DTNA: variants seen among roughly 807,000 people sequenced by gnomAD.
The protein encoded by DTNA is dystrophin-related protein 3.
A neutral mutation model predicts 100.7 loss-of-function variants in DTNA; 43 were observed. That is an observed-to-expected ratio of 0.43 (90% confidence interval 0.33 to 0.55). DTNA has a LOEUF of 0.55. DTNA is among the 20% of genes least tolerant of loss of function. The probability of loss-of-function intolerance (pLI) is 0.04; values close to 1 mark genes in which losing one functional copy is unlikely to be tolerated. For missense variants in DTNA, 798 were observed against 953.9 expected (o/e 0.84, Z 2.15); for synonymous variants, 349 against 347.9 (o/e 1.00, Z -0.04).
intron 1 of DTNA, among the ~76,000 whole-genome samples, chr18:34,748,135 C>A (rs1259901762): frequency 6.6e-6 from 1 of 151,940 alleles, no homozygotes; most frequent in Non-Finnish European, 1.5e-5. Context: ...ATGTTCTTTG[C>A]CTACTTTTTG....
intron 1 of DTNA, among the ~76,000 whole-genome samples, chr18:34,529,080 T>G (rs923504049): frequency 2.0e-5 from 3 of 152,118 alleles, no homozygotes; most frequent in African/African-American, 7.2e-5. Flanking sequence ...TTAGTGGAGC[T>G]GCATAGCCAT....
intron 1 of DTNA, among the ~76,000 whole-genome samples, chr18:34,578,118 C>T (rs1174346348): frequency 1.3e-5 from 2 of 151,452 alleles, no homozygotes; most frequent in Non-Finnish European, 2.9e-5. Context: ...ACTGCATCCA[C>T]ACCATAATCT....
chr18:34,711,371 A>G (rs1230077085), intron 1 of DTNA, among the ~76,000 whole-genome samples: 1 of 152,158 alleles, frequency 6.6e-6, no homozygotes, highest in African/African-American at 2.4e-5. Flanking sequence ...ACTTTCTCAT[A>G]AGATATTAGG....
chr18:34,692,737 T>C (rs1430373144), intron 1 of DTNA, among the ~76,000 whole-genome samples: 3 of 152,214 alleles, frequency 2.0e-5, no homozygotes, highest in East Asian at 1.9e-4. Context: ...ATCTTCTTCG[T>C]TGATGTGCAC....
intron 15 of DTNA, among the ~76,000 whole-genome samples, chr18:34,856,997 T>A (rs927046205): frequency 6.6e-6 from 1 of 152,184 alleles, no homozygotes; most frequent in African/African-American, 2.4e-5. Flanking sequence ...GGCTGAGCTT[T>A]ATGGCATCCT....
intron 1 of DTNA, among the ~76,000 whole-genome samples, chr18:34,675,088 C>T (rs1319756119): frequency 6.6e-6 from 1 of 152,106 alleles, no homozygotes; most frequent in Admixed American, 6.6e-5. Flanking sequence ...CTCAAAGGAA[C>T]TCGGACCACC....
At chr18:34,672,276 C>T (rs921984247) in intron 1 of DTNA, among the ~76,000 whole-genome samples, 2 of 152,020 alleles carry the variant, frequency 1.3e-5, no homozygotes, top group Non-Finnish European at 2.9e-5. Flanking sequence ...AGGAGATTTT[C>T]ATCTAAGAAA....
intron 1 of DTNA, among the ~76,000 whole-genome samples, chr18:34,499,071 A>C (rs2039607227): frequency 6.6e-6 from 1 of 152,198 alleles, no homozygotes; most frequent in Non-Finnish European, 1.5e-5. Flanking sequence ...GTGATGAACA[A>C]ATTCCAGCAC....
chr18:34,496,219 C>CACACACACAA (rs2039193938), intron 1 of DTNA, among the ~76,000 whole-genome samples: 1 of 151,296 alleles, frequency 6.6e-6, no homozygotes, highest in East Asian at 1.9e-4. Context: ...CACACACACA[C>CACACACACAA]ACACACACAC....
chr18:34,846,845 G>C (rs1402884129), intron 13 of DTNA, among the ~76,000 whole-genome samples: 1 of 152,158 alleles, frequency 6.6e-6, no homozygotes, highest in East Asian at 1.9e-4. Context: ...ATAATAGTAT[G>C]TTACTTTATA....
intron 14 of DTNA, 72 bp downstream of exon 14, chr18:34,848,455 GTTA>G: frequency 6.8e-7 from 1 of 1,466,554 alleles, no homozygotes; most frequent in Non-Finnish European, 9.5e-7. Context: ...CATGTTTATT[GTTA>G]TTATAGCTGG....
intron 6 of DTNA, among the ~76,000 whole-genome samples, chr18:34,814,930 G>A (rs1489798525): frequency 6.6e-6 from 1 of 152,174 alleles, no homozygotes; most frequent in East Asian, 1.9e-4. Flanking sequence ...TTTCAAATAT[G>A]AAAAGAGGTA....
intron 21 of DTNA, 23 bp downstream of exon 21, chr18:34,882,224 C>T: frequency 3.1e-6 from 5 of 1,612,954 alleles, no homozygotes; most frequent in Middle Eastern, 1.7e-4. Context: ...AGGCCCACCC[C>T]ACCCCACCTC....
chr18:34,858,913 C>T (rs1334275310), intron 16 of DTNA, among the ~76,000 whole-genome samples: 1 of 152,188 alleles, frequency 6.6e-6, no homozygotes, highest in East Asian at 1.9e-4. Context: ...ACCCGGCCAG[C>T]AGTGTTCTTT....
intron 9 of DTNA, among the ~76,000 whole-genome samples, chr18:34,821,668 C>T (rs916704019): frequency 6.6e-6 from 1 of 152,140 alleles, no homozygotes; most frequent in Non-Finnish European, 1.5e-5. Context: ...GTCTCATTAC[C>T]TGCTTCTATG....
At chr18:34,584,011 C>T (rs1326713845) in intron 1 of DTNA, among the ~76,000 whole-genome samples, 7 of 151,438 alleles carry the variant, frequency 4.6e-5, no homozygotes, top group African/African-American at 1.7e-4. Flanking sequence ...AATCTGCGTG[C>T]CGAATAGTAA....
intron 1 of DTNA, among the ~76,000 whole-genome samples, chr18:34,509,633 C>G (rs2040835350): frequency 6.6e-6 from 1 of 152,080 alleles, no homozygotes; most frequent in African/African-American, 2.4e-5. Flanking sequence ...AAATATGAAT[C>G]ATTTTCAAAA....
intron 20 of DTNA, among the ~76,000 whole-genome samples, chr18:34,881,255 A>C (rs1433218140): frequency 1.3e-5 from 2 of 152,164 alleles, no homozygotes; most frequent in African/African-American, 4.8e-5. Flanking sequence ...CTATTGTCTA[A>C]ACATGTACTT....
chr18:34,679,140 T>C (rs1413671466), intron 1 of DTNA, among the ~76,000 whole-genome samples: 1 of 152,186 alleles, frequency 6.6e-6, no homozygotes, highest in Non-Finnish European at 1.5e-5. Flanking sequence ...GGTTTTTCAG[T>C]CAACTAAATC....
Sources: allele counts gnomAD v4.1 joint callset (sites outside exome capture counted in the v4.1 genomes callset), GRCh38; gene constraint gnomAD v4.1.1; transcripts MANE v1.5; gene names NCBI Gene and HGNC (gene_info 2026-07-23, HGNC 2026-07-21).